DMBT1: variants seen among roughly 807,000 people sequenced by gnomAD.
The protein encoded by DMBT1 is scavenger receptor cysteine-rich domain-containing protein DMBT1.
In DMBT1, 198 loss-of-function variants were observed where a neutral mutation model predicts 252.9. The ratio of observed to expected loss-of-function variants is 0.78; its 90% CI spans 0.70 to 0.88. The LOEUF is 0.88. Among genes scored for constraint, DMBT1 ranks in the 40% least tolerant of loss-of-function variants. The pLI is 0.00. For synonymous variants in DMBT1, 990 were observed against 942.7 expected (o/e 1.05, Z -0.92); for missense variants, 2,432 against 2,404.7 (o/e 1.01, Z -0.24).
rs893569956 is a variant in DMBT1, at chr10:122,592,131, A to T, written c.2177-141A>T. The T allele has an allele frequency of 2.7e-5, 37 of 1,375,626 alleles. 3 individuals carry two copies. The highest frequency in any genetic ancestry group is 3.5e-5 in the Non-Finnish European group (35 of 1,013,098). 85.2% of individuals were successfully genotyped at this position (1,375,626 alleles called of 1,614,324 possible). The stretch of plus-strand genomic sequence containing the variant: ...CTCTCCTTCCAGTATGATGAAGCTG[A>T]ACCTCTGGTTGCAGTCGTATTCAAT... On this transcript the variant is annotated intron_variant, in intron 19 of 55. Coordinates refer to ENST00000338354, the MANE Select transcript of DMBT1 (RefSeq NM_001377530.1).
chr10:122,599,955 A>G (rs1591413490), intron 26 of DMBT1, 109 bp from the exon 27 acceptor site: 1 of 1,464,386 alleles, frequency 6.8e-7, no homozygotes, highest in Admixed American at 1.7e-5. Flanking sequence ...GTGTGATAGG[A>G]ACTAGGATGG....
At chr10:122,632,259 C>A (rs977024895) in intron 50 of DMBT1, among the ~76,000 whole-genome samples, 3 of 151,972 alleles carry the variant, frequency 2.0e-5, no homozygotes, top group Admixed American at 2.0e-4. Context: ...CAACACCCCC[C>A]ACTGCCCCGC....
chr10:122,577,751 T>G, intron 7 of DMBT1, 60 bp from the exon 8 acceptor site: 1 of 1,603,192 alleles, frequency 6.2e-7, no homozygotes, highest in South Asian at 1.1e-5. Context: ...CACTTCAGCC[T>G]TAACTCTACT....
chr10:122,590,813 CCTGCT>C, intron 18 of DMBT1, 119 bp downstream of exon 18: 1 of 1,283,614 alleles, frequency 7.8e-7, no homozygotes, highest in Admixed American at 1.8e-5. Flanking sequence ...TACTATTTTC[CCTGCT>C]CTGTAACTGA....
intron 10 of DMBT1, 91 bp downstream of exon 10, chr10:122,579,992 C>A (rs2097753797): frequency 6.3e-7 from 1 of 1,586,190 alleles, no homozygotes; most frequent in Non-Finnish European, 8.6e-7. Flanking sequence ...TCACTCAAAG[C>A]TTCTATGTTT....
chr10:122,589,048 A>G lies in DMBT1; in HGVS notation c.1888A>G (p.Ser630Gly). 6.3e-7 allele frequency: 1 copy of G among 1,588,896 alleles called. No homozygotes were observed. The highest frequency in any genetic ancestry group is 8.6e-7 in the Non-Finnish European group (1 of 1,165,958). ...RGSWGTVCDD[S>G]WDTNDANVVC... ...CTCTTGGGGCACCGTGTGTGATGAC[A>G]GCTGGGACACCAATGATGCCAATGT... Residue 630 changes from serine to glycine, a missense_variant, in exon 17 of 56, where the codon AGC becomes GGC. Coordinates refer to ENST00000338354, the MANE Select transcript of DMBT1 (RefSeq NM_001377530.1).
chr10:122,629,692 C>A, intron 46 of DMBT1, 148 bp from the exon 47 acceptor site: 1 of 944,918 alleles, frequency 1.1e-6, no homozygotes, highest in East Asian at 2.5e-5. Flanking sequence ...TAGAACCAGG[C>A]CCAAGAGAGG....
intron 2 of DMBT1, among the ~76,000 whole-genome samples, chr10:122,566,695 A>G (rs2097596465): frequency 6.6e-6 from 1 of 152,200 alleles, no homozygotes; most frequent in African/African-American, 2.4e-5. Flanking sequence ...GCATAAAATG[A>G]TTTTCATGTA....
At chr10:122,619,487 T>C in intron 42 of DMBT1, 150 bp downstream of exon 42, 1 of 1,028,308 alleles carries the variant, frequency 9.7e-7, no homozygotes, top group South Asian at 1.5e-5. Flanking sequence ...GACCCCAGCA[T>C]AGTGCTTCAA....
intron 16 of DMBT1, 41 bp from the exon 17 acceptor site, chr10:122,588,903 G>A: frequency 1.9e-6 from 3 of 1,586,310 alleles, no homozygotes; most frequent in Admixed American, 3.4e-5. Context: ...TCCTTGACCT[G>A]CTGATAGGGA....
At chr10:122,626,591 C>T (rs1234657104) in intron 46 of DMBT1, among the ~76,000 whole-genome samples, 1 of 152,158 alleles carries the variant, frequency 6.6e-6, no homozygotes, top group African/African-American at 2.4e-5. Flanking sequence ...GTACTTCATG[C>T]ATATTAACTT....
Position 122,585,298 on chromosome 10 carries a change from C to T in DMBT1, c.1448C>T (p.Ala483Val), listed in dbSNP as rs758442204. The change falls in exon 15 of 56, where the codon GCA becomes GTA. Residue 483 changes from alanine (A) to valine (V), a missense_variant. Ala to Val is a moderately conservative substitution (Grantham distance 64). Coordinates refer to ENST00000338354, the MANE Select transcript of DMBT1 (RefSeq NM_001377530.1). ...PDTLPTITLP[A>V]STVGSESSLA... ...ACGTTGCCGACCATCACCTTACCTG[C>T]ATCGACAGTAGGTAAATAATCCTCT... 1 of 1,586,750 alleles carries T rather than the reference C, an allele frequency of 6.3e-7. No homozygotes were observed. Among genetic ancestry groups the T allele is most frequent in the Admixed American group, 1.7e-5 (1 of 59,528 alleles).
At chr10:122,579,020 CT>C (rs1330540977) in intron 9 of DMBT1, among the ~76,000 whole-genome samples, 1 of 151,992 alleles carries the variant, frequency 6.6e-6, no homozygotes, top group Non-Finnish European at 1.5e-5. Context: ...TTTCATGTTT[CT>C]GTGGGTTGGG....
At chr10:122,564,787 A>G (rs1440601854) in intron 1 of DMBT1, among the ~76,000 whole-genome samples, 1 of 152,200 alleles carries the variant, frequency 6.6e-6, no homozygotes, top group Non-Finnish European at 1.5e-5. Context: ...AAATTCATCT[A>G]GGATATCATC....
chr10:122,638,044 A>G (rs1240042696), intron 54 of DMBT1, among the ~76,000 whole-genome samples: 1 of 152,218 alleles, frequency 6.6e-6, no homozygotes, highest in Non-Finnish European at 1.5e-5. Flanking sequence ...TAGCATAGAA[A>G]GTCCCACGTT....
At chr10:122,632,659 A>G (rs139215881) in intron 50 of DMBT1, among the ~76,000 whole-genome samples, 2 of 151,784 alleles carry the variant, frequency 1.3e-5, no homozygotes, top group African/African-American at 4.8e-5. Flanking sequence ...GCTTTGGTCA[A>G]TCTCATCCTT....
intron 2 of DMBT1, among the ~76,000 whole-genome samples, chr10:122,566,326 T>G (rs939700860): frequency 3.9e-4 from 7 of 17,758 alleles, no homozygotes; most frequent in Non-Finnish European, 8.7e-4. Context: ...TTCTTTTTTC[T>G]TTTTGAGATG....
chr10:122,585,347 C>G lies in DMBT1; in HGVS notation c.1459+38C>G, dbSNP rs2097780406. On this transcript the variant is annotated intron_variant, in intron 15 of 55. Coordinates refer to ENST00000338354, the MANE Select transcript of DMBT1 (RefSeq NM_001377530.1). Reference sequence around the variant, plus strand: ...CTCGCCCCTCCCTAGGGCTCACTCTCTACCTCTGGACAAATGTTTTTTTCT... The same window carrying G: ...CTCGCCCCTCCCTAGGGCTCACTCTGTACCTCTGGACAAATGTTTTTTTCT... 3 of 1,573,164 alleles carry G rather than the reference C, an allele frequency of 1.9e-6. 1 individual carries two copies. Among genetic ancestry groups the G allele is most frequent in the Non-Finnish European group, 2.6e-6 (3 of 1,153,554 alleles).
In DMBT1 at chr10:122,598,842, C is replaced by G. The variant is rs751418655; in HGVS notation, c.3025C>G (p.Leu1009Val). Residue 1009 changes from leucine (L) to valine (V), a missense_variant, in exon 26 of 56, where the codon CTA (leucine) becomes GTA (valine). Around this residue, in one of 3 missense-constraint regions of DMBT1, gnomAD observed 1,264 missense variants for 1,082.2 expected, o/e 1.17. Coordinates refer to ENST00000338354, the MANE Select transcript of DMBT1 (RefSeq NM_001377530.1). The stretch of plus-strand genomic sequence containing the variant: ...CAGGTGTCAGGGCCGAGTGGAGGTC[C>G]TATACCAAGGCTCCTGGGGCACCGT... Reference protein sequence around the residue: ...GDRCQGRVEVLYQGSWGTVCD... With the variant: ...GDRCQGRVEVVYQGSWGTVCD... 2 of 1,613,696 alleles carry G rather than the reference C, an allele frequency of 1.2e-6. No homozygotes were observed. The highest frequency in any genetic ancestry group is 1.7e-5 in the Admixed American group (1 of 60,018).
Sources: allele counts gnomAD v4.1 joint callset (sites outside exome capture counted in the v4.1 genomes callset), GRCh38; gene constraint gnomAD v4.1.1; regional missense constraint gnomAD v4.1.1; transcripts MANE v1.5; gene names NCBI Gene and HGNC (gene_info 2026-07-23, HGNC 2026-07-21).